Variants in PSMC2 observed in about 807,000 individuals in gnomAD.
PSMC2 encodes the protein proteasome 26S subunit, ATPase 2.
A neutral mutation model predicts 53.3 loss-of-function variants in PSMC2; 7 were observed. The observed-to-expected ratio is 0.13, with a 90% CI of 0.07 to 0.25. The LOEUF is 0.25. PSMC2 is among the 10% of genes least tolerant of loss of function. The pLI is 1.00. For synonymous variants in PSMC2, 169 were observed against 183.9 expected (o/e 0.92, Z 0.66); for missense variants, 241 against 544.0 (o/e 0.44, Z 5.54).
intron 7 of PSMC2, 83 bp from the exon 8 acceptor site, chr7:103,364,060 A>G: frequency 7.4e-7 from 1 of 1,350,180 alleles, no homozygotes. Context: ...AATACTAAAC[A>G]TAAAAGCACT....
At chr7:103,349,060 C>T (rs947089107) in intron 1 of PSMC2, among the ~76,000 whole-genome samples, 2 of 152,172 alleles carry the variant, frequency 1.3e-5, no homozygotes, top group African/African-American at 2.4e-5. Flanking sequence ...TTTGTAGTCT[C>T]ATCTTTATGC....
intron 1 of PSMC2, chr7:103,352,936 G>A: frequency 1.3e-6 from 1 of 780,888 alleles, no homozygotes; most frequent in Non-Finnish European, 2.4e-6. Flanking sequence ...GCTGAAACAA[G>A]AGGGTAGAGT....
chr7:103,359,296 C>T (rs1199772778), intron 4 of PSMC2, among the ~76,000 whole-genome samples: 1 of 151,650 alleles, frequency 6.6e-6, no homozygotes, highest in Non-Finnish European at 1.5e-5. Context: ...CCGTGCCCAG[C>T]CAGCTTATGA....
At chr7:103,356,013 G>T (rs1160529763) in intron 4 of PSMC2, among the ~76,000 whole-genome samples, 1 of 152,132 alleles carries the variant, frequency 6.6e-6, no homozygotes, top group Non-Finnish European at 1.5e-5. Context: ...GATATAAAAA[G>T]ATGTAGAGCA....
chr7:103,364,109 AGTG>A (rs1820563542), intron 7 of PSMC2, 31 bp from the exon 8 acceptor site: 2 of 1,600,370 alleles, frequency 1.2e-6, no homozygotes, highest in Non-Finnish European at 1.7e-6. Flanking sequence ...GTTATACAGA[AGTG>A]GTAAGTGTGA....
In PSMC2 at chr7:103,366,267, T is replaced by C; in HGVS notation, c.844+104T>C. 8.1e-6 allele frequency: 8 copies of C among 993,356 alleles called. No homozygotes were observed. In the South Asian group the frequency reaches 1.0e-4, roughly 13 times the overall value. The allele number at this position is 993,356 out of a possible 1,614,324, so 61.5% of individuals were successfully genotyped here. A position where few individuals can be genotyped will look rare whatever the true frequency, so the allele number is the denominator to read the frequency against. ...TCTTGTACAGAATTTTAACTCCAACTCTTCTATGAGCTCTGAAACAGTGGC... is the reference window on the plus strand; with the variant it reads ...TCTTGTACAGAATTTTAACTCCAACCCTTCTATGAGCTCTGAAACAGTGGC... On this transcript the variant is annotated intron_variant, in intron 9 of 11. Transcript: ENST00000292644.
In PSMC2 at chr7:103,367,932, A is replaced by G. The variant is rs1461546339; in HGVS notation, c.1180A>G (p.Met394Val). The G allele has an allele frequency of 6.2e-7, 1 of 1,614,068 alleles. No individual in the cohort carries two copies. The highest frequency in any genetic ancestry group is 8.5e-7 in the Non-Finnish European group (1 of 1,180,010). ...TAGAAGCGTCTGCACAGAGGCTGGT[A>G]TGTTTGCCATCAGAGCACGGCGAAA... ...EIRSVCTEAGMFAIRARRKIA... is the reference protein window; with the variant it reads ...EIRSVCTEAGVFAIRARRKIA... Residue 394 changes from methionine (M) to valine (V), a missense_variant, in exon 12 of 12, where the codon ATG becomes GTG. Transcript: ENST00000292644. This position sits in a 1 kb window ranked among gnomAD's most constrained non-coding sequence, Gnocchi z 6.1.
intron 4 of PSMC2, among the ~76,000 whole-genome samples, chr7:103,360,679 GT>G (rs1299395253): frequency 2.0e-5 from 3 of 152,118 alleles, no homozygotes; most frequent in Non-Finnish European, 4.4e-5. Flanking sequence ...TGTGAGTTCT[GT>G]TTTTTGTTTT....
Position 103,368,185 on chromosome 7 carries a change from T to C in PSMC2, c.*131T>C. ...TTTTTCCATATCTCTTCTTGTAATA[T>C]AATAAAAGGTGATTTCTAATGTTAT... On this transcript the variant is annotated 3_prime_UTR_variant, in exon 12 of 12. Transcript: ENST00000292644. The C allele has an allele frequency of 2.4e-6, 2 of 817,992 alleles. No individual in the cohort carries two copies. Among genetic ancestry groups the C allele is most frequent in the East Asian group, 2.8e-5 (1 of 36,196 alleles). The allele number at this position is 817,992 out of a possible 1,614,324, so 50.7% of individuals were successfully genotyped here. A position where few individuals can be genotyped will look rare whatever the true frequency, so the allele number is the denominator to read the frequency against.
intron 1 of PSMC2, 142 bp downstream of exon 1, chr7:103,347,923 C>T (rs2116106586): frequency 1.2e-6 from 1 of 832,488 alleles, no homozygotes; most frequent in Admixed American, 2.2e-5. Context: ...GGACACCGGC[C>T]GGATTAACTT....
At chr7:103,363,031 T>C (rs978725247) in intron 6 of PSMC2, among the ~76,000 whole-genome samples, 1 of 152,002 alleles carries the variant, frequency 6.6e-6, no homozygotes, top group Non-Finnish European at 1.5e-5. Context: ...TGACCTCAAG[T>C]GTTTGGCCTG....
rs914492032 is a variant in PSMC2 at position 103,367,115 on chromosome 7, G to A, written c.845-298G>A. Among the ~76,000 whole-genome samples, 5 of 152,186 alleles carry A rather than the reference G, an allele frequency of 3.3e-5. No homozygotes were observed. Among genetic ancestry groups the A allele is most frequent in the Non-Finnish European group, 7.3e-5 (5 of 68,036 alleles). On this transcript the variant is annotated intron_variant, in intron 9 of 11. Coordinates refer to ENST00000292644, the MANE Select transcript of PSMC2 (RefSeq NM_002803.4). The surrounding 1 kb of genome is among the most constrained non-coding windows in gnomAD (Gnocchi z 6.1). ...ATAATTGTTGTCTTGTGTACTTCAT[G>A]AGTTTTTGAGAGGTCCAAATTAAGT...
At position 103,367,268 on chromosome 7, in the gene PSMC2, C is replaced by T; in HGVS notation, c.845-145C>T. On this transcript the variant is annotated intron_variant, in intron 9 of 11. Transcript: ENST00000292644. This position sits in a 1 kb window ranked among gnomAD's most constrained non-coding sequence, Gnocchi z 6.1. ...TCTAATTAGTTTTATATAAAGCAAG[C>T]TGTTCTTACAGGATTTGCTTCAAAG... The T allele has an allele frequency of 3.1e-6, 2 of 643,454 alleles. No homozygotes were observed. The allele number at this position is 643,454 out of a possible 1,614,324, so 39.9% of individuals were successfully genotyped here.
At chr7:103,347,908 A>G in intron 1 of PSMC2, 127 bp downstream of exon 1, 1 of 983,166 alleles carries the variant, frequency 1.0e-6, no homozygotes. Flanking sequence ...CTAGTAATTT[A>G]GTCTGGACAC....
At chr7:103,356,391 G>C (rs1293655688) in intron 4 of PSMC2, among the ~76,000 whole-genome samples, 1 of 152,000 alleles carries the variant, frequency 6.6e-6, no homozygotes, top group African/African-American at 2.4e-5. Flanking sequence ...GGAATTCTAG[G>C]GGTCAAAGAT....
Position 103,363,392 on chromosome 7 carries a change from G to A in PSMC2, c.544G>A (p.Glu182Lys). 2.5e-6 allele frequency: 4 copies of A among 1,614,064 alleles called. No homozygotes were observed. Among genetic ancestry groups the A allele is most frequent in the Non-Finnish European group, 3.4e-6 (4 of 1,179,944 alleles). The change falls in exon 7 of 12, where the codon GAA becomes AAA. Residue 182 changes from glutamate (E) to lysine (K), a missense_variant. Transcript: ENST00000292644. ...VTYSDVGGCK[E>K]QIEKLREVVE... ...ATACAGTGATGTTGGTGGCTGTAAG[G>A]AACAGATTGAGAAACTGCGAGAAGT...
chr7:103,364,356 G>T (rs1305759486), intron 8 of PSMC2, 49 bp downstream of exon 8: 1 of 1,591,374 alleles, frequency 6.3e-7, no homozygotes, highest in Non-Finnish European at 8.6e-7. Context: ...AGATTTTACA[G>T]TATGAATGAA....
At position 103,368,634 on chromosome 7, in the gene PSMC2, T is replaced by G. The variant is rs1158424521; in HGVS notation, c.*580T>G. 6.6e-6 allele frequency: 1 copy of G among 152,164 alleles called. No homozygotes were observed. Among genetic ancestry groups the G allele is most frequent in the Non-Finnish European group, 1.5e-5 (1 of 68,028 alleles). The allele number at this position is 152,164 out of a possible 1,614,324, so 9.4% of individuals were successfully genotyped here. On this transcript the variant is annotated 3_prime_UTR_variant, in exon 12 of 12. Transcript: ENST00000292644. ...TAGGAGAAACATTGGATGTATATGTTTTGCATTGCCATTTGATTTCAAATT... is the reference window on the plus strand; with the variant it reads ...TAGGAGAAACATTGGATGTATATGTGTTGCATTGCCATTTGATTTCAAATT...
intron 4 of PSMC2, among the ~76,000 whole-genome samples, chr7:103,361,221 C>T (rs1330618382): frequency 6.6e-5 from 10 of 151,694 alleles, no homozygotes; most frequent in East Asian, 3.9e-4. Context: ...TGGTGGCTCA[C>T]GCCTGTAATC....
Sources: gnomAD v4.1 joint callset for allele counts (sites outside exome capture counted in the v4.1 genomes callset) on GRCh38, gnomAD v4.1.1 for gene constraint, Gnocchi (gnomAD v3.1) non-coding constraint, MANE v1.5 for transcripts, NCBI Gene and HGNC (gene_info 2026-07-23, HGNC 2026-07-21) for gene names.